PLA2G4D: variants seen among roughly 807,000 people sequenced by gnomAD.
PLA2G4D encodes phospholipase A2 group IVD, also known as cytosolic phospholipase A2 delta.
PLA2G4D carries 80 observed loss-of-function variants against 94.4 expected under a neutral mutation model. The ratio of observed to expected loss-of-function variants is 0.85; its 90% CI spans 0.71 to 1.02. The LOEUF (loss-of-function observed/expected upper bound fraction) is 1.02. Among genes scored for constraint, PLA2G4D ranks in the 50% least tolerant of loss-of-function variants. PLA2G4D has a pLI of 0.00. For synonymous variants in PLA2G4D, 438 were observed against 440.9 expected (o/e 0.99, Z 0.08); for missense variants, 1,050 against 1,034.7 (o/e 1.01, Z -0.20).
rs1042160191 is a variant in PLA2G4D, at chr15:42,083,274, G to T, written c.596C>A (p.Ser199Tyr). ...LKGSYEDTQTSFLGTASAFRF... is the reference protein window; with the variant it reads ...LKGSYEDTQTYFLGTASAFRF... ...GAAGGCAGAGGCTGTGCCCAGGAAG[G>T]ATGTCTGTGTGTCCTCATAGGACCC... Residue 199 changes from serine (S) to tyrosine (Y), a missense_variant, in exon 8 of 20, where the codon TCC (serine) becomes TAC (tyrosine). Transcript: ENST00000290472. The T allele has an allele frequency of 6.2e-7, 1 of 1,614,142 alleles. No homozygotes were observed. Among genetic ancestry groups the T allele is most frequent in the Admixed American group, 1.7e-5 (1 of 60,018 alleles).
chr15:42,081,712 C>G, intron 10 of PLA2G4D, 85 bp downstream of exon 10: 2 of 1,612,306 alleles, frequency 1.2e-6, no homozygotes, highest in South Asian at 2.2e-5. Flanking sequence ...CCCTCTCCTC[C>G]AATCTCAAGG....
At chr15:42,070,349 T>G in intron 18 of PLA2G4D, 1 of 517,708 alleles carries the variant, frequency 1.9e-6, no homozygotes. Flanking sequence ...ACCCCAATTC[T>G]GGATTGCTAT....
rs538326898 is a variant in PLA2G4D at position 42,082,403 on chromosome 15, A to G, written c.673-14T>C. On this transcript the variant is annotated splice_polypyrimidine_tract_variant and intron_variant, in intron 8 of 19. Transcript: ENST00000290472. ...GCTTCTGGAGCTCTGAAGGGAAAGC[A>G]TCATTCATTCATTCATTCATTCATT... 3.8e-6 allele frequency: 6 copies of G among 1,568,782 alleles called. No homozygotes were observed. The highest frequency in any genetic ancestry group is 2.2e-5 in the East Asian group (1 of 44,774).
At position 42,086,194 on chromosome 15, in the gene PLA2G4D, T is replaced by TGGGGGGGGGCGG; in HGVS notation, c.387+18_387+19insCCGCCCCCCCCC. The TGGGGGGGGGCGG allele has an allele frequency of 3.6e-6, 5 of 1,370,440 alleles. No individual in the cohort carries two copies. Among genetic ancestry groups the TGGGGGGGGGCGG allele is most frequent in the Non-Finnish European group, 3.8e-6 (4 of 1,043,080 alleles). 84.9% of individuals were successfully genotyped at this position (1,370,440 alleles called of 1,614,324 possible). A position where few individuals can be genotyped will look rare whatever the true frequency, so the allele number is the denominator to read the frequency against. On this transcript the variant is annotated intron_variant, in intron 4 of 19. Coordinates refer to ENST00000290472, the MANE Select transcript of PLA2G4D (RefSeq NM_178034.4). ...GGAAGAAGTGGGGCCCACGGGGACT[T>TGGGGGGGGGCGG]CCCCACCCACCCACCCACCTGGGGA... is the stretch of plus-strand genomic sequence containing the variant.
chr15:42,088,436 GA>G (rs1890192672), intron 1 of PLA2G4D, among the ~76,000 whole-genome samples: 1 of 152,208 alleles, frequency 6.6e-6, no homozygotes, highest in Non-Finnish European at 1.5e-5. Flanking sequence ...CAGATGGCCA[GA>G]GGGGCGTGGC....
At position 42,068,814 on chromosome 15, in the gene PLA2G4D, G is replaced by C. The variant is rs147198080; in HGVS notation, c.2358C>G (p.Asp786Glu). 3.9e-5 allele frequency: 63 copies of C among 1,613,760 alleles called. No homozygotes were observed. The highest frequency in any genetic ancestry group is 4.2e-5 in the Non-Finnish European group (50 of 1,179,916). The change falls in exon 20 of 20, where the codon GAC becomes GAG. Residue 786 changes from aspartate to glutamate, a missense_variant. Coordinates refer to ENST00000290472, the MANE Select transcript of PLA2G4D (RefSeq NM_178034.4). ...CACCCTGGCTGGTCTGCACGTTGTA[G>C]TCACTGAGCCGCAGCAGGCGCTCGA... ...EDFERLLRLS[D>E]YNVQTSQGAI...
Position 42,084,959 on chromosome 15 carries a change from G to A in PLA2G4D, c.471+137C>T, listed in dbSNP as rs939964462. The A allele has an allele frequency of 7.4e-6, 7 of 952,014 alleles. No homozygotes were observed. Among genetic ancestry groups the A allele is most frequent in the Non-Finnish European group, 1.1e-5 (7 of 622,198 alleles). 59.0% of individuals were successfully genotyped at this position (952,014 alleles called of 1,614,324 possible). On this transcript the variant is annotated intron_variant, in intron 6 of 19. Transcript: ENST00000290472. The surrounding 1 kb of genome is among the most constrained non-coding windows in gnomAD (Gnocchi z 4.8). ...ACCCACAGCCACAGGTGACCACCTG[G>A]CTGGAAGGCTAGGGGTGGTTTTACC...
chr15:42,068,636 GGAAGGC>G lies in PLA2G4D; in HGVS notation c.*73_*78del. 1 of 1,389,782 alleles carries G rather than the reference GGAAGGC, an allele frequency of 7.2e-7. No homozygotes were observed. The highest frequency in any genetic ancestry group is 1.8e-4 in the Middle Eastern group (1 of 5,412). The allele number at this position is 1,389,782 out of a possible 1,614,324, so 86.1% of individuals were successfully genotyped here. ...CTGGGAGAGCCCAGAACTCCAACCAGGAAGGCCTGTGGCTGAGCCCAGCTACAGATC... is the reference window on the plus strand; with the variant it reads ...CTGGGAGAGCCCAGAACTCCAACCAGCTGTGGCTGAGCCCAGCTACAGATC... On this transcript the variant is annotated 3_prime_UTR_variant, in exon 20 of 20. Transcript: ENST00000290472.
intron 13 of PLA2G4D, 28 bp from the exon 14 acceptor site, chr15:42,072,420 G>C: frequency 6.3e-7 from 1 of 1,581,386 alleles, no homozygotes; most frequent in Non-Finnish European, 8.7e-7. Context: ...CAGGGCCTAA[G>C]TGAGGCTGGG....
In PLA2G4D at chr15:42,071,958, C is replaced by T. The variant is rs747415940; in HGVS notation, c.1436-47G>A. On this transcript the variant is annotated intron_variant, in intron 14 of 19. Coordinates refer to ENST00000290472, the MANE Select transcript of PLA2G4D (RefSeq NM_178034.4). ...GCAGGAGTGTGAGGGGAGTGGATTG[C>T]GGGAGTCCCCAGCTCTGGCGAAAGA... The T allele has an allele frequency of 1.5e-5, 24 of 1,596,620 alleles. No homozygotes were observed. In the East Asian group the frequency reaches 2.9e-4, roughly 19 times the overall value.
Position 42,072,411 on chromosome 15 carries a change from A to C in PLA2G4D, c.1318-19T>G, listed in dbSNP as rs1889844910. 3 of 1,600,454 alleles carry C rather than the reference A, an allele frequency of 1.9e-6. No homozygotes were observed. Among genetic ancestry groups the C allele is most frequent in the Middle Eastern group, 2.1e-4 (1 of 4,700 alleles). ...CCATCACCTGGGGCCAGAGGGCATC[A>C]GGGCCTAAGTGAGGCTGGGAGTACC... On this transcript the variant is annotated intron_variant, in intron 13 of 19. Coordinates refer to ENST00000290472, the MANE Select transcript of PLA2G4D (RefSeq NM_178034.4).
At position 42,079,663 on chromosome 15, in the gene PLA2G4D, C is replaced by T. The variant is rs759477315; in HGVS notation, c.1191G>A (p.Leu397=). 4.3e-6 allele frequency: 7 copies of T among 1,612,952 alleles called. No individual in the cohort carries two copies. The change falls in exon 13 of 20, where the codon CTG becomes CTA. Residue 397 remains leucine (L), a synonymous_variant. Coordinates refer to ENST00000290472, the MANE Select transcript of PLA2G4D (RefSeq NM_178034.4). ...CCAGGCGCTCTGGGGAAAAGACCTC[C>T]AGCTTGCTCTTGGCCAGGTGCTCCC... is the stretch of plus-strand genomic sequence containing the variant. The part of the protein sequence containing the change: ...YAREHLAKSK[L]EVFSPERLAS...
At chr15:42,081,210 G>A (rs976260762) in intron 11 of PLA2G4D, 77 bp from the exon 12 acceptor site, 21 of 1,553,530 alleles carry the variant, frequency 1.4e-5, no homozygotes, top group Admixed American at 5.6e-5. Flanking sequence ...GCCCTGCCCC[G>A]CTCCTTGTCT....
At chr15:42,076,769 C>T (rs1361005398) in intron 13 of PLA2G4D, among the ~76,000 whole-genome samples, 1 of 152,182 alleles carries the variant, frequency 6.6e-6, no homozygotes, top group African/African-American at 2.4e-5. Flanking sequence ...TGAATTAACA[C>T]AACTCCTTTG....
At chr15:42,070,582 A>G in intron 18 of PLA2G4D, 135 bp downstream of exon 18, 1 of 1,128,612 alleles carries the variant, frequency 8.9e-7, no homozygotes, top group Non-Finnish European at 1.2e-6. Flanking sequence ...GGCAGGAGCC[A>G]GCAGATCAAG....
chr15:42,079,019 G>A (rs1889980852), intron 13 of PLA2G4D, among the ~76,000 whole-genome samples: 1 of 152,146 alleles, frequency 6.6e-6, no homozygotes, highest in South Asian at 2.1e-4. Context: ...ATTCTATGGT[G>A]AGGTATCACT....
Position 42,083,566 on chromosome 15 carries a change from G to A in PLA2G4D, c.535+150C>T, listed in dbSNP as rs547902432. The A allele has an allele frequency of 9.9e-5, 108 of 1,094,916 alleles. No individual in the cohort carries two copies. In the East Asian group the frequency reaches 1.7e-3, roughly 18 times the overall value. 67.8% of individuals were successfully genotyped at this position (1,094,916 alleles called of 1,614,324 possible). ...AGGTCAGGGGACCCTCCTGCCCAGCGGAGATGCGTGGCCCTCTGTGCCATG... is the reference window on the plus strand; with the variant it reads ...AGGTCAGGGGACCCTCCTGCCCAGCAGAGATGCGTGGCCCTCTGTGCCATG... On this transcript the variant is annotated intron_variant, in intron 7 of 19. Coordinates refer to ENST00000290472, the MANE Select transcript of PLA2G4D (RefSeq NM_178034.4).
chr15:42,079,729 C>T lies in PLA2G4D; in HGVS notation c.1125G>A (p.Glu375=). The change falls in exon 13 of 20, where the codon GAG becomes GAA. Residue 375 remains glutamate (E), a synonymous_variant. Coordinates refer to ENST00000290472, the MANE Select transcript of PLA2G4D (RefSeq NM_178034.4). ...WTMAHLYGDP[E]WSQRDLEGPI... is the part of the protein sequence containing the mutation. ...GTCCCTCCAGGTCCCTCTGCGACCA[C>T]TCAGGGTCCCCGTACAGGTGGGCCA... The T allele has an allele frequency of 6.2e-7, 1 of 1,606,872 alleles. No homozygotes were observed. Among genetic ancestry groups the T allele is most frequent in the Non-Finnish European group, 8.5e-7 (1 of 1,177,490 alleles).
At chr15:42,083,454 C>A in intron 7 of PLA2G4D, 120 bp from the exon 8 acceptor site, 1 of 1,436,524 alleles carries the variant, frequency 7.0e-7, no homozygotes, top group Non-Finnish European at 9.3e-7. Flanking sequence ...CCATCGTCAA[C>A]AGCATTCTGA....
Sources: gnomAD v4.1 joint callset for allele counts (sites outside exome capture counted in the v4.1 genomes callset) on GRCh38, gnomAD v4.1.1 for gene constraint, Gnocchi (gnomAD v3.1) non-coding constraint, MANE v1.5 for transcripts, NCBI Gene and HGNC (gene_info 2026-07-23, HGNC 2026-07-21) for gene names.